TGM3: variants seen among roughly 807,000 people sequenced by gnomAD.
TGM3 encodes the protein protein-glutamine gamma-glutamyltransferase E.
In TGM3, 52 loss-of-function variants were observed where a neutral mutation model predicts 73.8. The ratio of observed to expected loss-of-function variants is 0.70; its 90% CI spans 0.56 to 0.89. The LOEUF is 0.89. Ranked by LOEUF, TGM3 falls within the 40% of genes least tolerant of loss-of-function variation. TGM3 has a pLI of 0.00. For synonymous variants in TGM3, 372 were observed against 354.9 expected (o/e 1.05, Z -0.54); for missense variants, 928 against 909.9 (o/e 1.02, Z -0.26).
chr20:2,328,315 T>C lies in TGM3; in HGVS notation c.1283T>C (p.Val428Ala), dbSNP rs1600705051. The change falls in exon 9 of 13, where the codon GTG (valine) becomes GCG (alanine). Residue 428 changes from valine (V) to alanine (A), a missense_variant. Val to Ala is a moderately conservative substitution (Grantham distance 64). Transcript: ENST00000381458. This position sits in a 1 kb window ranked among gnomAD's most constrained non-coding sequence, Gnocchi z 5.2. Reference protein sequence around the residue: ...TIGRYISTKAVGSNARMDVTD... With the variant: ...TIGRYISTKAAGSNARMDVTD... The stretch of plus-strand genomic sequence containing the variant: ...GGCAGGTACATCAGCACCAAGGCGG[T>C]GGGCAGCAATGCTCGCATGGACGTC... 3 of 1,613,992 alleles carry C rather than the reference T, an allele frequency of 1.9e-6. No individual in the cohort carries two copies. In the South Asian group the frequency reaches 3.3e-5, roughly 18 times the overall value.
intron 1 of TGM3, among the ~76,000 whole-genome samples, chr20:2,302,082 G>A (rs775100122): frequency 1.8e-4 from 28 of 152,166 alleles, no homozygotes; most frequent in African/African-American, 5.8e-4. Flanking sequence ...GAAAAGGTGT[G>A]GGAAGTAGAG....
Position 2,333,662 on chromosome 20 carries a change from C to A in TGM3, c.1642+1352C>A, listed in dbSNP as rs909272557. Among the ~76,000 whole-genome samples, 8 of 152,190 alleles carry A rather than the reference C, an allele frequency of 5.3e-5. No individual in the cohort carries two copies. The East Asian group carries it at 1.5e-3, about 29-fold the overall frequency. On this transcript the variant is annotated intron_variant, in intron 10 of 12. Coordinates refer to ENST00000381458, the MANE Select transcript of TGM3 (RefSeq NM_003245.4). ...TTTCCCGCCTTGGCTTCCCAAAGTGCTGGGATTACAGGCATAAGCCACCAT... is the reference window on the plus strand; with the variant it reads ...TTTCCCGCCTTGGCTTCCCAAAGTGATGGGATTACAGGCATAAGCCACCAT...
At position 2,334,165 on chromosome 20, in the gene TGM3, G is replaced by A. The variant is rs1300528806; in HGVS notation, c.1643-951G>A. Among the ~76,000 whole-genome samples, 1 of 152,222 alleles carries A rather than the reference G, an allele frequency of 6.6e-6. No individual in the cohort carries two copies. Among genetic ancestry groups the A allele is most frequent in the African/African-American group, 2.4e-5 (1 of 41,466 alleles). ...GTGGGGAAGGAGCCGGATGCATGGA[G>A]AGAAGCCAGGGGAGGCATTTCCATC... is the stretch of plus-strand genomic sequence containing the variant. On this transcript the variant is annotated intron_variant, in intron 10 of 12. Transcript: ENST00000381458. The surrounding 1 kb of genome is among the most constrained non-coding windows in gnomAD (Gnocchi z 4.0).
rs2084337657 is a variant in TGM3, at chr20:2,334,523, G to A, written c.1643-593G>A. On this transcript the variant is annotated intron_variant, in intron 10 of 12. Coordinates refer to ENST00000381458, the MANE Select transcript of TGM3 (RefSeq NM_003245.4). This position sits in a 1 kb window ranked among gnomAD's most constrained non-coding sequence, Gnocchi z 4.0. ...GTAGAACCCCAGGCTATTAGATGACGGGGAGGATCCTAAGCGTTTGTTTAG... is the reference window on the plus strand; with the variant it reads ...GTAGAACCCCAGGCTATTAGATGACAGGGAGGATCCTAAGCGTTTGTTTAG... Among the ~76,000 whole-genome samples, 1 of 152,188 alleles carries A rather than the reference G, an allele frequency of 6.6e-6. No individual in the cohort carries two copies. Among genetic ancestry groups the A allele is most frequent in the African/African-American group, 2.4e-5 (1 of 41,440 alleles).
chr20:2,335,076 C>G, intron 10 of TGM3, 40 bp from the exon 11 acceptor site: 1 of 1,611,892 alleles, frequency 6.2e-7, no homozygotes, highest in South Asian at 1.1e-5. Context: ...GAAGCCATCC[C>G]CACTCCCCCT....
At chr20:2,335,372 G>A (rs546904553) in intron 11 of TGM3, 99 bp downstream of exon 11, 36 of 1,457,950 alleles carry the variant, frequency 2.5e-5, no homozygotes, top group Non-Finnish European at 3.2e-5. Context: ...CTCCCAGAGG[G>A]CAAAGGAGAG....
At chr20:2,306,626 G>C (rs1454456407) in intron 1 of TGM3, among the ~76,000 whole-genome samples, 1 of 151,932 alleles carries the variant, frequency 6.6e-6, no homozygotes, top group African/African-American at 2.4e-5. Flanking sequence ...ACAGGCGTGC[G>C]CCACCATGCC....
At chr20:2,325,269 G>T (rs1335617007) in intron 7 of TGM3, among the ~76,000 whole-genome samples, 2 of 152,210 alleles carry the variant, frequency 1.3e-5, no homozygotes, top group Non-Finnish European at 2.9e-5. Context: ...GCCCGGTGAG[G>T]GGTGAGTGGT....
chr20:2,340,723 C>T lies in TGM3; in HGVS notation c.*142C>T. The stretch of plus-strand genomic sequence containing the variant: ...CTGCCAGACATGGACCTCCAGGCTC[C>T]AGCACATCCCCCTCTCCTCTCCCCC... On this transcript the variant is annotated 3_prime_UTR_variant, in exon 13 of 13. Coordinates refer to ENST00000381458, the MANE Select transcript of TGM3 (RefSeq NM_003245.4). The T allele has an allele frequency of 3.7e-6, 4 of 1,068,816 alleles. No individual in the cohort carries two copies. The highest frequency in any genetic ancestry group is 5.5e-6 in the Non-Finnish European group (4 of 722,186). 66.2% of individuals were successfully genotyped at this position (1,068,816 alleles called of 1,614,324 possible).
chr20:2,320,986 G>C (rs995018645), intron 7 of TGM3, among the ~76,000 whole-genome samples: 1 of 152,138 alleles, frequency 6.6e-6, no homozygotes, highest in Non-Finnish European at 1.5e-5. Flanking sequence ...GTGAAGTCAG[G>C]CAGTGCCTCC....
chr20:2,300,236 A>AAAAT (rs1555793861), intron 1 of TGM3, among the ~76,000 whole-genome samples: 1 of 147,782 alleles, frequency 6.8e-6, no homozygotes, highest in Non-Finnish European at 1.5e-5. Flanking sequence ...AAGAAAGAAA[A>AAAAT]AAAGAAAGAA....
In TGM3 at chr20:2,335,168, G is replaced by A. The variant is rs753977843; in HGVS notation, c.1695G>A (p.Lys565=). The A allele has an allele frequency of 6.2e-7, 1 of 1,614,222 alleles. No individual in the cohort carries two copies. The highest frequency in any genetic ancestry group is 8.5e-7 in the Non-Finnish European group (1 of 1,180,018). ...ISYAQYEKYL[K]SDNMIRITAV... is the part of the protein sequence containing the mutation. ...ACGCTCAGTATGAGAAGTACCTGAAGTCAGACAACATGATCCGGATCACAG... is the reference window on the plus strand; with the variant it reads ...ACGCTCAGTATGAGAAGTACCTGAAATCAGACAACATGATCCGGATCACAG... Residue 565 remains lysine (K), a synonymous_variant, in exon 11 of 13, where the codon AAG becomes AAA. Coordinates refer to ENST00000381458, the MANE Select transcript of TGM3 (RefSeq NM_003245.4).
At chr20:2,307,951 G>A (rs780130736) in intron 1 of TGM3, among the ~76,000 whole-genome samples, 3 of 152,194 alleles carry the variant, frequency 2.0e-5, no homozygotes, top group Non-Finnish European at 4.4e-5. Flanking sequence ...GCCGGGTGCA[G>A]TGGCTCATGC....
rs2122241938 is a variant in TGM3 at position 2,328,512 on chromosome 20, T to C, written c.1333+147T>C. The stretch of plus-strand genomic sequence containing the variant: ...TAGGATTGCTCCCTAGCACCTAACA[T>C]CCACCTCCCAGGACTGTTTCCGGAG... On this transcript the variant is annotated intron_variant, in intron 9 of 12. Coordinates refer to ENST00000381458, the MANE Select transcript of TGM3 (RefSeq NM_003245.4). This position sits in a 1 kb window ranked among gnomAD's most constrained non-coding sequence, Gnocchi z 5.2. The C allele has an allele frequency of 8.4e-7, 1 of 1,186,586 alleles. No homozygotes were observed. Among genetic ancestry groups the C allele is most frequent in the Non-Finnish European group, 1.2e-6 (1 of 852,634 alleles). 73.5% of individuals were successfully genotyped at this position (1,186,586 alleles called of 1,614,324 possible).
At chr20:2,306,239 G>C (rs372087132) in intron 1 of TGM3, among the ~76,000 whole-genome samples, 1 of 152,070 alleles carries the variant, frequency 6.6e-6, no homozygotes, top group Non-Finnish European at 1.5e-5. Flanking sequence ...CCACTGTGCT[G>C]GACAAACAGC....
Position 2,328,315 on chromosome 20 carries a change from T to TG in TGM3, c.1286dup (p.Ser430GlnfsTer18). 6.2e-7 allele frequency: 1 copy of TG among 1,613,992 alleles called. No homozygotes were observed. Among genetic ancestry groups the TG allele is most frequent in the South Asian group, 1.1e-5 (1 of 91,060 alleles). On this transcript the variant is annotated frameshift_variant, in exon 9 of 13. Transcript: ENST00000381458. LOFTEE classifies it high-confidence loss of function. This position sits in a 1 kb window ranked among gnomAD's most constrained non-coding sequence, Gnocchi z 5.2. Reference sequence around the variant, plus strand: ...GGCAGGTACATCAGCACCAAGGCGGTGGGCAGCAATGCTCGCATGGACGTC... The same window carrying TG: ...GGCAGGTACATCAGCACCAAGGCGGTGGGGCAGCAATGCTCGCATGGACGTC...
chr20:2,311,346 A>T (rs991576477), intron 4 of TGM3, among the ~76,000 whole-genome samples: 7 of 152,122 alleles, frequency 4.6e-5, no homozygotes, highest in African/African-American at 1.4e-4. Context: ...TCCATCTTTG[A>T]GGGGGTTGCA....
At chr20:2,323,201 C>T (rs1318767152) in intron 7 of TGM3, among the ~76,000 whole-genome samples, 2 of 152,146 alleles carry the variant, frequency 1.3e-5, no homozygotes, top group Non-Finnish European at 2.9e-5. Context: ...AGTCTTTTAT[C>T]CCTCACCCCC....
At chr20:2,301,487 A>G (rs2084147542) in intron 1 of TGM3, among the ~76,000 whole-genome samples, 1 of 149,436 alleles carries the variant, frequency 6.7e-6, no homozygotes, top group African/African-American at 2.5e-5. Context: ...GCCATCCATT[A>G]GCAGGTTGTG....
Sources: allele counts gnomAD v4.1 joint callset (sites outside exome capture counted in the v4.1 genomes callset), GRCh38; gene constraint gnomAD v4.1.1; non-coding constraint Gnocchi (gnomAD v3.1); transcripts MANE v1.5; gene names NCBI Gene and HGNC (gene_info 2026-07-23, HGNC 2026-07-21).